NAA25: variants seen among roughly 807,000 people sequenced by gnomAD.
NAA25 encodes N-terminal acetyltransferase B complex subunit NAA25.
A neutral mutation model predicts 132.5 loss-of-function variants in NAA25; 30 were observed. The ratio of observed to expected loss-of-function variants is 0.23; its 90% confidence interval spans 0.17 to 0.31. The LOEUF is 0.31. Ranked by LOEUF, NAA25 falls within the 10% of genes least tolerant of loss-of-function variation. NAA25 has a pLI of 1.00. For missense variants in NAA25, 771 were observed against 1,150.4 expected (o/e 0.67, Z 4.77); for synonymous variants, 359 against 401.9 (o/e 0.89, Z 1.28).
At chr12:112,078,892 G>A in intron 5 of NAA25, 151 bp from the exon 6 acceptor site, 1 of 625,684 alleles carries the variant, frequency 1.6e-6, no homozygotes, top group Non-Finnish European at 2.7e-6. Context: ...ACATTACGGA[G>A]CAGTTTGTTT....
At chr12:112,099,548 G>A (rs2079261588) in intron 1 of NAA25, among the ~76,000 whole-genome samples, 2 of 152,112 alleles carry the variant, frequency 1.3e-5, no homozygotes, top group African/African-American at 4.8e-5. Context: ...GTAAAAGAAC[G>A]ATAGAAATTT....
intron 6 of NAA25, 42 bp from the exon 7 acceptor site, chr12:112,078,308 C>A: frequency 7.2e-7 from 1 of 1,390,650 alleles, no homozygotes; most frequent in Non-Finnish European, 1.0e-6. Flanking sequence ...TGAAACTTTT[C>A]AATAATAAAA....
At chr12:112,102,922 T>C (rs2079315113) in intron 1 of NAA25, among the ~76,000 whole-genome samples, 1 of 152,156 alleles carries the variant, frequency 6.6e-6, no homozygotes, top group African/African-American at 2.4e-5. Context: ...ACTCTTGACC[T>C]CATGATCCGC....
intron 1 of NAA25, among the ~76,000 whole-genome samples, chr12:112,102,198 AT>A (rs1424191753): frequency 6.6e-6 from 1 of 152,090 alleles, no homozygotes; most frequent in Admixed American, 6.6e-5. Flanking sequence ...TCTCAAAAAA[AT>A]AAAATAAAAT....
intron 13 of NAA25, among the ~76,000 whole-genome samples, chr12:112,058,437 T>A (rs2078577987): frequency 6.6e-6 from 1 of 152,226 alleles, no homozygotes; most frequent in Admixed American, 6.5e-5. Flanking sequence ...CATTATAAAC[T>A]ATCCCAAAAC....
At chr12:112,043,042 A>G (rs1280415099) in intron 19 of NAA25, 46 bp downstream of exon 19, 1 of 1,516,322 alleles carries the variant, frequency 6.6e-7, no homozygotes, top group Admixed American at 2.1e-5. Context: ...TACGTGTACT[A>G]CATTTTCTAT....
chr12:112,055,002 T>C (rs981122648), intron 13 of NAA25, among the ~76,000 whole-genome samples: 11 of 152,218 alleles, frequency 7.2e-5, no homozygotes, highest in Admixed American at 3.9e-4. Flanking sequence ...GCAAATAGGA[T>C]GTTTGAAAAT....
intron 1 of NAA25, among the ~76,000 whole-genome samples, chr12:112,101,459 T>C (rs1021806388): frequency 6.6e-6 from 1 of 151,824 alleles, no homozygotes; most frequent in African/African-American, 2.4e-5. Flanking sequence ...GAAAGATATA[T>C]ATATAAGATA....
intron 11 of NAA25, among the ~76,000 whole-genome samples, chr12:112,063,542 A>G (rs2078668778): frequency 6.6e-6 from 1 of 152,182 alleles, no homozygotes; most frequent in Non-Finnish European, 1.5e-5. Flanking sequence ...ATGCTATCCG[A>G]CAAATATGTA....
In NAA25 at chr12:112,042,081, G is replaced by A; in HGVS notation, c.2398C>T (p.Arg800Ter). ...GLEDTMEIQE[R>*]IENSFKSLLD... ...AAAGACTTAAAACTATTTTCTATTC[G>A]TTCCTGAATCTCCATTGTATCCTCT... Residue 800 changes from arginine to a stop codon, truncating the protein, a stop_gained, in exon 20 of 24, where the codon CGA becomes TGA. Coordinates refer to ENST00000261745, the MANE Select transcript of NAA25 (RefSeq NM_024953.4). LOFTEE classifies it high-confidence loss of function. The A allele has an allele frequency of 1.3e-6, 2 of 1,484,832 alleles. No individual in the cohort carries two copies. Among genetic ancestry groups the A allele is most frequent in the Non-Finnish European group, 1.8e-6 (2 of 1,118,822 alleles). 92.0% of individuals were successfully genotyped at this position (1,484,832 alleles called of 1,614,324 possible). A position where few individuals can be genotyped will look rare whatever the true frequency, so the allele number is the denominator to read the frequency against.
chr12:112,049,829 T>C lies in NAA25; in HGVS notation c.1729-1386A>G, dbSNP rs1279955441. On this transcript the variant is annotated intron_variant, in intron 15 of 23. Transcript: ENST00000261745. The surrounding 1 kb of genome is among the most constrained non-coding windows in gnomAD (Gnocchi z 4.7). The stretch of plus-strand genomic sequence containing the variant: ...AAAACACAGCAAGGTTTACTACTAT[T>C]AGCCCTTGTAATAGGAACTTACAGC... Among the ~76,000 whole-genome samples, 3 of 152,164 alleles carry C rather than the reference T, an allele frequency of 2.0e-5. No homozygotes were observed. Among genetic ancestry groups the C allele is most frequent in the Admixed American group, 1.3e-4 (2 of 15,270 alleles).
chr12:112,091,323 G>C (rs1045602427), intron 2 of NAA25, among the ~76,000 whole-genome samples: 2 of 151,408 alleles, frequency 1.3e-5, no homozygotes, highest in African/African-American at 2.4e-5. Context: ...AAGGCAGGAG[G>C]ATCACTTGAG....
At chr12:112,060,398 T>G in intron 12 of NAA25, 39 bp from the exon 13 acceptor site, 1 of 1,414,106 alleles carries the variant, frequency 7.1e-7, no homozygotes, top group Non-Finnish European at 1.0e-6. Flanking sequence ...TAACATTTGT[T>G]CAACTATTAC....
At chr12:112,088,437 C>T (rs1047149780) in intron 3 of NAA25, among the ~76,000 whole-genome samples, 3 of 149,666 alleles carry the variant, frequency 2.0e-5, no homozygotes, top group East Asian at 2.0e-4. Flanking sequence ...GGTAATTCTC[C>T]GACCTCAGCC....
At chr12:112,046,493 C>T (rs2136821736) in intron 17 of NAA25, among the ~76,000 whole-genome samples, 1 of 152,334 alleles carries the variant, frequency 6.6e-6, no homozygotes, top group Admixed American at 6.5e-5. Context: ...CTGAATGTGG[C>T]CTTGGCAACC....
chr12:112,054,694 A>G, intron 13 of NAA25, 126 bp from the exon 14 acceptor site: 1 of 851,420 alleles, frequency 1.2e-6, no homozygotes, highest in Non-Finnish European at 1.8e-6. Context: ...ACAGAGAACA[A>G]ATTTTAGATA....
chr12:112,066,808 T>C (rs1359661415), intron 11 of NAA25, among the ~76,000 whole-genome samples: 1 of 152,218 alleles, frequency 6.6e-6, no homozygotes, highest in African/African-American at 2.4e-5. Context: ...TGCACTGCTC[T>C]ATCTGCCCAA....
chr12:112,101,428 A>C (rs1346508346), intron 1 of NAA25, among the ~76,000 whole-genome samples: 2 of 152,142 alleles, frequency 1.3e-5, no homozygotes, highest in African/African-American at 4.8e-5. Flanking sequence ...GGGGGAAAAA[A>C]GGGCAGTCTG....
intron 9 of NAA25, among the ~76,000 whole-genome samples, chr12:112,073,242 AC>A (rs1483450362): frequency 2.0e-5 from 3 of 149,196 alleles, no homozygotes; most frequent in Non-Finnish European, 4.4e-5. Flanking sequence ...CTCAAAAAAA[AC>A]AAAAATTAAA....
Sources: gnomAD v4.1 joint callset for allele counts (sites outside exome capture counted in the v4.1 genomes callset) on GRCh38, gnomAD v4.1.1 for gene constraint, Gnocchi (gnomAD v3.1) non-coding constraint, MANE v1.5 for transcripts, NCBI Gene and HGNC (gene_info 2026-07-23, HGNC 2026-07-21) for gene names.